Variants in ACSM3 observed in about 807,000 individuals in gnomAD.
ACSM3 encodes the protein acyl-coenzyme A synthetase ACSM3, mitochondrial.
Under a neutral mutation model 74.1 loss-of-function variants are expected in ACSM3, and 61 were observed. The observed-to-expected ratio is 0.82, with a 90% confidence interval of 0.67 to 1.02. The LOEUF is 1.02. Ranked by LOEUF, ACSM3 falls within the 50% of genes least tolerant of loss-of-function variation. The pLI, the probability that ACSM3 is intolerant of heterozygous loss-of-function variation, is 0.00. For synonymous variants in ACSM3, 213 were observed against 241.5 expected, an observed-to-expected ratio of 0.88 and a Z score of 1.09; for missense variants, 660 against 697.0, an observed-to-expected ratio of 0.95 and a Z score of 0.60.
intron 1 of ACSM3, chr16:20,736,874 G>T (rs2079874030): frequency 6.2e-7 from 1 of 1,611,770 alleles, no homozygotes; most frequent in South Asian, 1.1e-5. Flanking sequence ...AACACCAAAT[G>T]ACTTCCTATG....
At chr16:20,742,940 A>AT (rs1218181518) in intron 1 of ACSM3, among the ~76,000 whole-genome samples, 1,454 of 121,674 alleles carry the variant, frequency 0.012, 24 homozygotes, top group African/African-American at 0.028. Context: ...ATGTTTGTCT[A>AT]TTTTTTTTTT....
chr16:20,751,360 T>C (rs796996354), intron 2 of ACSM3, among the ~76,000 whole-genome samples: 2 of 152,380 alleles, frequency 1.3e-5, no homozygotes, highest in African/African-American at 4.8e-5. Flanking sequence ...CTTGTTTCCC[T>C]GTAGAACTAT....
chr16:20,707,061 A>G (rs879230888), intron 1 of ACSM3, among the ~76,000 whole-genome samples: 2 of 151,922 alleles, frequency 1.3e-5, no homozygotes, highest in Non-Finnish European at 2.9e-5. Flanking sequence ...AAATCCTGAA[A>G]TGACCCTGAA....
chr16:20,723,960 C>A (rs959379402), intron 1 of ACSM3, among the ~76,000 whole-genome samples: 1 of 152,190 alleles, frequency 6.6e-6, no homozygotes, highest in Non-Finnish European at 1.5e-5. Flanking sequence ...TTGCCCATGC[C>A]TATGTCCTGA....
chr16:20,741,639 C>A, intron 1 of ACSM3: 1 of 1,582,296 alleles, frequency 6.3e-7, no homozygotes, highest in Non-Finnish European at 8.6e-7. Flanking sequence ...ACGGGGCCCG[C>A]CAGCGTCGCA....
At chr16:20,748,250 T>C (rs1338342593) in intron 1 of ACSM3, among the ~76,000 whole-genome samples, 2 of 152,170 alleles carry the variant, frequency 1.3e-5, no homozygotes, top group Non-Finnish European at 2.9e-5. Flanking sequence ...ATAAGAATTA[T>C]CTACATGAAT....
At chr16:20,693,449 A>G (rs1281905514) in intron 1 of ACSM3, among the ~76,000 whole-genome samples, 1 of 152,222 alleles carries the variant, frequency 6.6e-6, no homozygotes, top group African/African-American at 2.4e-5. Context: ...GTAAATGTTG[A>G]CTGAAGAAAG....
chr16:20,722,555 C>G lies in ACSM3; in HGVS notation c.-189-27355C>G, dbSNP rs530032475. Among the ~76,000 whole-genome samples the G allele has an allele frequency of 1.9e-3, 283 of 152,238 alleles. 1 individual carries two copies. The highest frequency in any genetic ancestry group is 6.6e-3 in the African/African-American group (274 of 41,548). ...AAATTAAGAAAAAACCTAAAAAGTG[C>G]TGATTTCTGCATTTACTCAACTTAC... On this transcript the variant is annotated intron_variant, in intron 1 of 3. Coordinates refer to the ACSM3 transcript ENST00000561584.
At chr16:20,780,645 A>G (rs748474607) in intron 4 of ACSM3, 69 bp from the exon 5 acceptor site, 24 of 1,613,554 alleles carry the variant, frequency 1.5e-5, no homozygotes, top group Admixed American at 1.3e-4. Context: ...GAGCTTCTCA[A>G]AATTTTTCAG....
intron 7 of ACSM3, among the ~76,000 whole-genome samples, 188 bp downstream of exon 7, chr16:20,781,975 C>T (rs1216153307): frequency 6.6e-6 from 1 of 152,156 alleles, no homozygotes; most frequent in African/African-American, 2.4e-5. Flanking sequence ...AGGGCAAGAT[C>T]CCCCAAACAA....
chr16:20,719,257 G>T, intron 1 of ACSM3: 1 of 207,634 alleles, frequency 4.8e-6, no homozygotes. Context: ...TCCTCAGATA[G>T]CATATGGAAT....
intron 1 of ACSM3, among the ~76,000 whole-genome samples, chr16:20,705,757 G>T (rs2079725617): frequency 1.3e-5 from 2 of 152,046 alleles, no homozygotes; most frequent in South Asian, 4.1e-4. Flanking sequence ...GAACATCAAT[G>T]AAGAAAACTA....
chr16:20,777,652 C>A, intron 4 of ACSM3, 72 bp downstream of exon 4: 2 of 1,345,956 alleles, frequency 1.5e-6, no homozygotes, highest in Admixed American at 2.1e-5. Flanking sequence ...TTAAACCCAG[C>A]AGTGATTAGA....
At chr16:20,705,196 C>A (rs1200825370) in intron 1 of ACSM3, among the ~76,000 whole-genome samples, 1 of 152,096 alleles carries the variant, frequency 6.6e-6, no homozygotes, top group Non-Finnish European at 1.5e-5. Context: ...CACCCTGAAA[C>A]CCCGTCTCTA....
Position 20,768,639 on chromosome 16 carries a change from TA to T in ACSM3, c.-51-1344del, listed in dbSNP as rs200521399. ...TTGATCCAAGACCTAGGCATCAGAGTATTTTTTTTTAATGCTTTCTTGGTGA... is the reference window on the plus strand; with the variant it reads ...TTGATCCAAGACCTAGGCATCAGAGTTTTTTTTTTAATGCTTTCTTGGTGA... On this transcript the variant is annotated intron_variant, in intron 1 of 13. Transcript: ENST00000289416. 7.3e-5 allele frequency among the ~76,000 whole-genome samples: 11 copies of T among 151,434 alleles called. No individual in the cohort carries two copies. In the South Asian group the frequency reaches 8.4e-4, roughly 12 times the overall value.
At chr16:20,792,732 C>T in intron 12 of ACSM3, 2 of 985,276 alleles carry the variant, frequency 2.0e-6, no homozygotes, top group Non-Finnish European at 2.4e-6. Context: ...AATGGGCTGG[C>T]ATCAGATGTC....
At chr16:20,739,091 G>A (rs752959404) in intron 1 of ACSM3, 7 of 1,612,964 alleles carry the variant, frequency 4.3e-6, no homozygotes, top group African/African-American at 1.3e-5. Flanking sequence ...TAAAACTAAT[G>A]AGCAGAAATG....
intron 1 of ACSM3, among the ~76,000 whole-genome samples, chr16:20,708,137 C>T (rs1344436227): frequency 1.3e-5 from 2 of 152,140 alleles, no homozygotes; most frequent in Non-Finnish European, 2.9e-5. Context: ...CTACACTCTA[C>T]TAAACATACA....
At chr16:20,768,580 G>T (rs2080153617) in intron 1 of ACSM3, among the ~76,000 whole-genome samples, 1 of 151,800 alleles carries the variant, frequency 6.6e-6, no homozygotes, top group Non-Finnish European at 1.5e-5. Flanking sequence ...AATATAAATG[G>T]GCCCAGAGCC....
Sources: gnomAD v4.1 joint callset for allele counts (sites outside exome capture counted in the v4.1 genomes callset) on GRCh38, gnomAD v4.1.1 for gene constraint, MANE v1.5 for transcripts, NCBI Gene and HGNC (gene_info 2026-07-23, HGNC 2026-07-21) for gene names.